HS6ST2: variants seen among roughly 807,000 people sequenced by gnomAD.
HS6ST2 encodes heparan-sulfate 6-O-sulfotransferase 2.
In HS6ST2, 17 loss-of-function variants were observed where a neutral mutation model predicts 33.0. The ratio of observed to expected loss-of-function variants is 0.52; its 90% CI spans 0.35 to 0.77. The LOEUF (loss-of-function observed/expected upper bound fraction) is 0.77, where lower values mean the gene tolerates loss of function less well. Among genes scored for constraint, HS6ST2 ranks in the 30% least tolerant of loss-of-function variants. The pLI is 0.01. For synonymous variants in HS6ST2, 248 were observed against 237.1 expected, an observed-to-expected ratio of 1.05 and a Z score of -0.42; for missense variants, 519 against 551.7, an observed-to-expected ratio of 0.94 and a Z score of 0.59.
chrX:132,749,231 C>A (rs2064676769), intron 2 of HS6ST2, among the ~76,000 whole-genome samples: 1 of 112,476 alleles, frequency 8.9e-6, no homozygotes. Flanking sequence ...GTGGTGACTG[C>A]CTTTTACCTC....
chrX:132,707,414 T>TA (rs1409638143), intron 3 of HS6ST2, among the ~76,000 whole-genome samples: 1 of 112,716 alleles, frequency 8.9e-6, no homozygotes, highest in Admixed American at 9.4e-5. Flanking sequence ...CTAAATTTAC[T>TA]ATTCTCAGCT....
intron 2 of HS6ST2, among the ~76,000 whole-genome samples, chrX:132,913,265 C>A (rs2066551564): frequency 8.9e-6 from 1 of 112,222 alleles, no homozygotes; most frequent in Non-Finnish European, 1.9e-5. Context: ...CAGTGCCAGG[C>A]AGCCACTTCA....
intron 1 of HS6ST2, 138 bp from the exon 2 acceptor site, chrX:132,957,464 G>T: frequency 1.5e-6 from 1 of 663,540 alleles, no homozygotes. Context: ...CCACGGCGGC[G>T]GCGGCTGCGG....
intron 3 of HS6ST2, among the ~76,000 whole-genome samples, chrX:132,707,329 A>C (rs936004463): frequency 8.9e-6 from 1 of 112,492 alleles, no homozygotes; most frequent in Admixed American, 9.4e-5. Context: ...CCATACTAAT[A>C]CTGTGTGATT....
At chrX:132,946,097 G>A (rs1462412879) in intron 2 of HS6ST2, among the ~76,000 whole-genome samples, 1 of 111,957 alleles carries the variant, frequency 8.9e-6, no homozygotes, top group African/African-American at 3.3e-5. Flanking sequence ...AGTTAGAATG[G>A]CGATCATTAA....
At chrX:132,655,505 G>C (rs192040644) in intron 4 of HS6ST2, among the ~76,000 whole-genome samples, 73 of 111,653 alleles carry the variant, frequency 6.5e-4, no homozygotes, top group African/African-American at 2.3e-3. Context: ...AGATTAACTT[G>C]TCCAAGGTAC....
At chrX:132,924,303 T>C (rs1271418017) in intron 2 of HS6ST2, among the ~76,000 whole-genome samples, 1 of 111,949 alleles carries the variant, frequency 8.9e-6, no homozygotes, top group African/African-American at 3.2e-5. Flanking sequence ...GCAACAATAG[T>C]TGCAAAGTCA....
In HS6ST2 at chrX:132,753,242, G is replaced by A. The variant is rs749165606; in HGVS notation, c.948-44748C>T. On this transcript the variant is annotated intron_variant, in intron 2 of 4. Coordinates refer to ENST00000370833, the MANE Select transcript of HS6ST2 (RefSeq NM_001394073.1). Reference sequence around the variant, plus strand: ...CTTCATCTAAATTCATTCCTTGTCAGAAGCCAAGGAATGTAATTCAGCTTA... The same window carrying A: ...CTTCATCTAAATTCATTCCTTGTCAAAAGCCAAGGAATGTAATTCAGCTTA... 5.7e-4 allele frequency among the ~76,000 whole-genome samples: 64 copies of A among 112,079 alleles called. 2 individuals are homozygous for A. The highest frequency in any genetic ancestry group is 5.7e-4 in the Admixed American group (6 of 10,599).
chrX:132,792,797 C>T lies in HS6ST2; in HGVS notation c.948-84303G>A, dbSNP rs188631252. Among the ~76,000 whole-genome samples the T allele has an allele frequency of 2.6e-4, 29 of 111,272 alleles. No homozygotes were observed. In the East Asian group the frequency reaches 7.6e-3, roughly 29 times the overall value. The stretch of plus-strand genomic sequence containing the variant: ...GCTTCTATCACTTAGTGTAATGTCT[C>T]CATAGTTTATCCATGTTGTAGCATA... On this transcript the variant is annotated intron_variant, in intron 2 of 4. Coordinates refer to ENST00000370833, the MANE Select transcript of HS6ST2 (RefSeq NM_001394073.1).
At chrX:132,705,389 C>T (rs767034044) in intron 3 of HS6ST2, among the ~76,000 whole-genome samples, 12 of 111,396 alleles carry the variant, frequency 1.1e-4, no homozygotes, top group Non-Finnish European at 1.9e-4. Context: ...ACATGGTGGT[C>T]ACAGGTAACC....
rs1302054080 is a variant in HS6ST2, at chrX:132,957,093, A to G, written c.662T>C (p.Phe221Ser). 2.5e-6 allele frequency: 3 copies of G among 1,209,778 alleles called. No individual in the cohort carries two copies. The highest frequency in any genetic ancestry group is 3.4e-6 in the Non-Finnish European group (3 of 895,092). ...GATCAGGTCATCGCCCTTGATGTCG[A>G]AGTCTACCTTGCGCAGGAGGTCGCC... is the stretch of plus-strand genomic sequence containing the variant. Reference protein sequence around the residue: ...TRGDLLRKVDFDIKGDDLIVF... With the variant: ...TRGDLLRKVDSDIKGDDLIVF... Residue 221 changes from phenylalanine to serine, a missense_variant, in exon 2 of 5, where the codon TTC becomes TCC. Physicochemically the swap from Phe to Ser is radical, Grantham distance 155. Transcript: ENST00000370833.
intron 2 of HS6ST2, among the ~76,000 whole-genome samples, chrX:132,828,505 C>T (rs192912643): frequency 9.9e-4 from 107 of 107,600 alleles, no homozygotes; most frequent in African/African-American, 3.5e-3. Flanking sequence ...AATCTCCCTT[C>T]AGAGACTGCC....
intron 3 of HS6ST2, among the ~76,000 whole-genome samples, chrX:132,684,411 A>G (rs1264470754): frequency 9.2e-6 from 1 of 108,834 alleles, no homozygotes; most frequent in Non-Finnish European, 1.9e-5. Flanking sequence ...ACTCATGTCC[A>G]TTTCTTTTAA....
chrX:132,855,720 T>C (rs1186689327), intron 2 of HS6ST2, among the ~76,000 whole-genome samples: 1 of 112,173 alleles, frequency 8.9e-6, no homozygotes, highest in African/African-American at 3.2e-5. Context: ...ACTCCCTACA[T>C]TGGCATGGCC....
At chrX:132,707,561 T>C (rs2064197066) in intron 3 of HS6ST2, among the ~76,000 whole-genome samples, 1 of 111,972 alleles carries the variant, frequency 8.9e-6, no homozygotes, top group South Asian at 3.8e-4. Context: ...AGAGCTACAG[T>C]CTTTGCTCTT....
At chrX:132,958,015 G>T (rs60879429) in intron 1 of HS6ST2, among the ~76,000 whole-genome samples, 160 bp downstream of exon 1, 1 of 111,004 alleles carries the variant, frequency 9.0e-6, no homozygotes, top group Non-Finnish European at 1.9e-5. Flanking sequence ...CGCGGCGTGG[G>T]CAAATGCGCG....
intron 2 of HS6ST2, among the ~76,000 whole-genome samples, chrX:132,844,332 G>A (rs1277051004): frequency 8.9e-6 from 1 of 111,815 alleles, no homozygotes; most frequent in Non-Finnish European, 1.9e-5. Context: ...AGGCTCCAAT[G>A]TCTCTTCCAT....
chrX:132,771,770 T>G (rs1437215558), intron 2 of HS6ST2, among the ~76,000 whole-genome samples: 1 of 111,935 alleles, frequency 8.9e-6, no homozygotes, highest in East Asian at 2.8e-4. Flanking sequence ...TCAAATCATC[T>G]TTGAAGTAAC....
At chrX:132,778,111 CT>C (rs2064981971) in intron 2 of HS6ST2, among the ~76,000 whole-genome samples, 1 of 112,063 alleles carries the variant, frequency 8.9e-6, no homozygotes, top group South Asian at 3.7e-4. Context: ...GAAAATAATG[CT>C]GCAATCTTGA....
Sources: gnomAD v4.1 joint callset for allele counts (sites outside exome capture counted in the v4.1 genomes callset) on GRCh38, gnomAD v4.1.1 for gene constraint, MANE v1.5 for transcripts, NCBI Gene and HGNC (gene_info 2026-07-23, HGNC 2026-07-21) for gene names.